Variants in PPM1G observed in about 807,000 individuals in gnomAD.
PPM1G encodes protein phosphatase 1G.
Under a neutral mutation model 59.4 loss-of-function variants are expected in PPM1G, and 12 were observed. That is an observed-to-expected ratio of 0.20 (90% CI 0.13 to 0.33). The LOEUF is 0.33. Among genes scored for constraint, PPM1G ranks in the 10% least tolerant of loss-of-function variants. The pLI is 1.00. For missense variants in PPM1G, 392 were observed against 681.3 expected (o/e 0.58, Z 4.73); for synonymous variants, 245 against 251.9 (o/e 0.97, Z 0.26).
chr2:27,395,436 T>C (rs915120636), intron 1 of PPM1G, among the ~76,000 whole-genome samples: 1 of 150,530 alleles, frequency 6.6e-6, no homozygotes, highest in African/African-American at 2.5e-5. Context: ...GGCTGGGGCA[T>C]GAGAATCACT....
chr2:27,386,539 A>C, intron 2 of PPM1G: 1 of 272,342 alleles, frequency 3.7e-6, no homozygotes. Flanking sequence ...AAGATAAAGA[A>C]TCAGCTCAAC....
At chr2:27,391,955 C>G (rs1683915371) in intron 1 of PPM1G, among the ~76,000 whole-genome samples, 1 of 151,992 alleles carries the variant, frequency 6.6e-6, no homozygotes. Flanking sequence ...TGGTCTCGAT[C>G]TCCTGGACCT....
Position 27,390,735 on chromosome 2 carries a change from G to A in PPM1G, c.121-3577C>T, listed in dbSNP as rs540551760. Among the ~76,000 whole-genome samples the A allele has an allele frequency of 2.6e-5, 4 of 152,240 alleles. No homozygotes were observed. The East Asian group carries it at 7.7e-4, about 29-fold the overall frequency. ...TATACTGTGTGATGCTGAGGTTTGG[G>A]GTATGACTGAACCCGTTTCCCAGGT... On this transcript the variant is annotated intron_variant, in intron 1 of 9. Coordinates refer to ENST00000344034, the MANE Select transcript of PPM1G (RefSeq NM_177983.3).
intron 1 of PPM1G, among the ~76,000 whole-genome samples, chr2:27,392,224 C>A (rs746935850): frequency 2.9e-4 from 44 of 151,742 alleles, no homozygotes; most frequent in Non-Finnish European, 5.1e-4. Flanking sequence ...ATCACTGAGT[C>A]CTGCATGCAG....
chr2:27,407,266 T>C (rs1663405639), intron 1 of PPM1G, among the ~76,000 whole-genome samples: 1 of 151,816 alleles, frequency 6.6e-6, no homozygotes, highest in Admixed American at 6.6e-5. Context: ...ATGCCTGGCC[T>C]ATTCATTTAT....
At chr2:27,391,650 T>C (rs990818748) in intron 1 of PPM1G, among the ~76,000 whole-genome samples, 34 of 152,174 alleles carry the variant, frequency 2.2e-4, no homozygotes, top group Non-Finnish European at 1.5e-5. Flanking sequence ...TCTTGCTGCA[T>C]GTCACTTTTC....
intron 1 of PPM1G, among the ~76,000 whole-genome samples, chr2:27,389,781 T>C (rs568496051): frequency 1.4e-4 from 21 of 152,122 alleles, no homozygotes; most frequent in Admixed American, 3.3e-4. Context: ...CTAGGCAACA[T>C]AGCAAGACCC....
intron 1 of PPM1G, among the ~76,000 whole-genome samples, chr2:27,394,146 C>T (rs1286820467): frequency 6.6e-6 from 1 of 152,142 alleles, no homozygotes; most frequent in East Asian, 1.9e-4. Flanking sequence ...ATCCGCCTGC[C>T]TCGGCCTCCC....
At chr2:27,392,026 C>T (rs1415048492) in intron 1 of PPM1G, among the ~76,000 whole-genome samples, 1 of 151,270 alleles carries the variant, frequency 6.6e-6, no homozygotes, top group African/African-American at 2.4e-5. Context: ...CCACTGCACC[C>T]GGCCAGGATG....
At chr2:27,392,264 CTTTGTTTTGTTGG>C (rs1683922419) in intron 1 of PPM1G, among the ~76,000 whole-genome samples, 1 of 132,184 alleles carries the variant, frequency 7.6e-6, no homozygotes, top group Non-Finnish European at 1.6e-5. Flanking sequence ...TCCTGGATTA[CTTTGTTTTGTTGG>C]TTTGTTTTGT....
chr2:27,392,863 T>TC, intron 1 of PPM1G: 1 of 1,458,534 alleles, frequency 6.9e-7, no homozygotes, highest in Non-Finnish European at 9.5e-7. Flanking sequence ...CGCTCCCATC[T>TC]CGTGCATGTT....
chr2:27,409,482 C>T lies in PPM1G; in HGVS notation c.-60G>A. The stretch of plus-strand genomic sequence containing the variant: ...AGCTGGGCGCGACCCGTGCCGGAGC[C>T]GAAGCCCCGGGGGTGCGCGCGGCAG... On this transcript the variant is annotated 5_prime_UTR_variant, in exon 1 of 10. Coordinates refer to ENST00000344034, the MANE Select transcript of PPM1G (RefSeq NM_177983.3). 2.1e-6 allele frequency: 3 copies of T among 1,412,966 alleles called. No homozygotes were observed. The highest frequency in any genetic ancestry group is 2.8e-6 in the Non-Finnish European group (3 of 1,087,512). 87.5% of individuals were successfully genotyped at this position (1,412,966 alleles called of 1,614,324 possible).
chr2:27,385,126 A>C lies in PPM1G; in HGVS notation c.410-38T>G. 2 of 1,533,706 alleles carry C rather than the reference A, an allele frequency of 1.3e-6. No homozygotes were observed. The highest frequency in any genetic ancestry group is 2.0e-5 in the Admixed American group (1 of 50,108). ...GGCTAAATCAGAGCCCCCATGCCAGACTCCTCATGGGATCCGTCCCTCTCA... is the reference window on the plus strand; with the variant it reads ...GGCTAAATCAGAGCCCCCATGCCAGCCTCCTCATGGGATCCGTCCCTCTCA... On this transcript the variant is annotated intron_variant, in intron 4 of 9. Coordinates refer to ENST00000344034, the MANE Select transcript of PPM1G (RefSeq NM_177983.3). This position sits in a 1 kb window ranked among gnomAD's most constrained non-coding sequence, Gnocchi z 4.1.
In PPM1G at chr2:27,381,235, G is replaced by T. The variant is rs1053444390; in HGVS notation, c.*364C>A. The T allele has an allele frequency of 2.2e-5, 7 of 322,278 alleles. No homozygotes were observed. Among genetic ancestry groups the T allele is most frequent in the Non-Finnish European group, 4.1e-5 (7 of 171,484 alleles). 20.0% of individuals were successfully genotyped at this position (322,278 alleles called of 1,614,324 possible). A position where few individuals can be genotyped will look rare whatever the true frequency, so the allele number is the denominator to read the frequency against. ...CCTTTAGTCTGAAAAAGTGTTGATT[G>T]AAAGTGTACAACAGAGAGCGGGTGC... On this transcript the variant is annotated 3_prime_UTR_variant, in exon 10 of 10. Transcript: ENST00000344034.
Position 27,403,960 on chromosome 2 carries a change from G to A in PPM1G, c.120+5343C>T, listed in dbSNP as rs566795681. Among the ~76,000 whole-genome samples the A allele has an allele frequency of 2.0e-5, 3 of 151,934 alleles. 1 individual carries two copies. The South Asian group carries it at 6.2e-4, about 32-fold the overall frequency. Reference sequence around the variant, plus strand: ...AAGCTATTGGCTATTGATATGAGATGCTAATCTGAAGATAAGAAAATAAAT... The same window carrying A: ...AAGCTATTGGCTATTGATATGAGATACTAATCTGAAGATAAGAAAATAAAT... On this transcript the variant is annotated intron_variant, in intron 1 of 9. Transcript: ENST00000344034.
chr2:27,383,407 T>G lies in PPM1G; in HGVS notation c.1160A>C (p.Asp387Ala), dbSNP rs1328060316. Residue 387 changes from aspartate (D) to alanine (A), a missense_variant, in exon 7 of 10, where the codon GAT (aspartate) becomes GCT (alanine). Coordinates refer to ENST00000344034, the MANE Select transcript of PPM1G (RefSeq NM_177983.3). This position sits in a 1 kb window ranked among gnomAD's most constrained non-coding sequence, Gnocchi z 5.0. ...GTTGAGGCCCCCGTTGACTCGCCCATCCATGGTGACCTTGCCACCAGCATT... is the reference window on the plus strand; with the variant it reads ...GTTGAGGCCCCCGTTGACTCGCCCAGCCATGGTGACCTTGCCACCAGCATT... Reference protein sequence around the residue: ...IKNAGGKVTMDGRVNGGLNLS... With the variant: ...IKNAGGKVTMAGRVNGGLNLS... 6.2e-7 allele frequency: 1 copy of G among 1,614,064 alleles called. No homozygotes were observed. The highest frequency in any genetic ancestry group is 8.5e-7 in the Non-Finnish European group (1 of 1,180,036).
intron 1 of PPM1G, among the ~76,000 whole-genome samples, chr2:27,390,662 A>G (rs1324898745): frequency 2.0e-5 from 3 of 151,996 alleles, no homozygotes; most frequent in African/African-American, 7.3e-5. Context: ...TTATTTTTCA[A>G]TGTTTATTTT....
chr2:27,389,759 T>C (rs1339970924), intron 1 of PPM1G, among the ~76,000 whole-genome samples: 1 of 151,774 alleles, frequency 6.6e-6, no homozygotes, highest in Non-Finnish European at 1.5e-5. Context: ...AGATCAGGAG[T>C]TGGAGACCAG....
chr2:27,383,290 G>C lies in PPM1G; in HGVS notation c.1201+76C>G. ...CTTTGAAAGGCACAAGCACTAGGAA[G>C]ATTAAAGTTTGCTACTAGGTAGTCT... On this transcript the variant is annotated intron_variant, in intron 7 of 9. Coordinates refer to ENST00000344034, the MANE Select transcript of PPM1G (RefSeq NM_177983.3). This position sits in a 1 kb window ranked among gnomAD's most constrained non-coding sequence, Gnocchi z 5.0. 4 of 1,336,184 alleles carry C rather than the reference G, an allele frequency of 3.0e-6. No homozygotes were observed. Among genetic ancestry groups the C allele is most frequent in the Non-Finnish European group, 4.3e-6 (4 of 938,996 alleles). The allele number at this position is 1,336,184 out of a possible 1,614,324, so 82.8% of individuals were successfully genotyped here.
Sources: allele counts gnomAD v4.1 joint callset (sites outside exome capture counted in the v4.1 genomes callset), GRCh38; gene constraint gnomAD v4.1.1; non-coding constraint Gnocchi (gnomAD v3.1); transcripts MANE v1.5; gene names NCBI Gene and HGNC (gene_info 2026-07-23, HGNC 2026-07-21).